Variants in TMTC1 observed in about 807,000 individuals in gnomAD.
TMTC1 encodes protein O-mannosyl-transferase TMTC1.
A neutral mutation model predicts 104.8 loss-of-function variants in TMTC1; 73 were observed. The ratio of observed to expected loss-of-function variants is 0.70; its 90% CI spans 0.58 to 0.85. The LOEUF (loss-of-function observed/expected upper bound fraction) is 0.85. Among genes scored for constraint, TMTC1 ranks in the 40% least tolerant of loss-of-function variants. TMTC1 has a pLI of 0.00. For synonymous variants in TMTC1, 434 were observed against 428.7 expected, an observed-to-expected ratio of 1.01 and a Z score of -0.15; for missense variants, 1,035 against 1,096.1, an observed-to-expected ratio of 0.94 and a Z score of 0.79.
At chr12:29,532,892 G>A (rs1944544304) in intron 11 of TMTC1, 1 of 152,070 alleles carries the variant, frequency 6.6e-6, no homozygotes. Context: ...GTTCTGACCT[G>A]GAGTTCTTAA....
intron 6 of TMTC1, among the ~76,000 whole-genome samples, chr12:29,630,324 G>T (rs1938231703): frequency 6.6e-6 from 1 of 152,226 alleles, no homozygotes; most frequent in African/African-American, 2.4e-5. Context: ...AGGGACCTTG[G>T]GCAGCAGGAG....
rs185959525 is a variant in TMTC1 at position 29,621,132 on chromosome 12, T to C, written c.1128+12015A>G. Among the ~76,000 whole-genome samples the C allele has an allele frequency of 1.0e-3, 154 of 152,342 alleles. 2 individuals carry two copies. In the Middle Eastern group the frequency reaches 0.048, roughly 47 times the overall value. On this transcript the variant is annotated intron_variant, in intron 6 of 17. Coordinates refer to ENST00000539277, the MANE Select transcript of TMTC1 (RefSeq NM_001193451.2). ...AGAATGGGAACTGAAAAGAGGAATG[T>C]AGGCCAGAGGAAAAAAGAAAAATCC...
chr12:29,751,273 G>T lies in TMTC1; in HGVS notation c.938+393C>A, dbSNP rs146831307. On this transcript the variant is annotated intron_variant, in intron 5 of 17. Coordinates refer to ENST00000539277, the MANE Select transcript of TMTC1 (RefSeq NM_001193451.2). ...CATTTCAGAAAGGAAGAGTCCTCTG[G>T]GTTTCCTCCCATATTTGGACTGTAA... Among the ~76,000 whole-genome samples the T allele has an allele frequency of 3.9e-5, 6 of 152,194 alleles. No homozygotes were observed. The East Asian group carries it at 1.2e-3, about 29-fold the overall frequency.
At position 29,783,536 on chromosome 12, in the gene TMTC1, GC is replaced by G; in HGVS notation, c.215del (p.Gly72AlafsTer31). ...DVRPGAPLRW[G>X]IFTNDFWGKG... ...TGCCCCAGAAGTCGTTGGTGAAGAT[GC>G]CCCAGCGGAGCGGGGCGCCGGGCCG... On this transcript the variant is annotated frameshift_variant, in exon 1 of 18. Coordinates refer to ENST00000539277, the MANE Select transcript of TMTC1 (RefSeq NM_001193451.2). LOFTEE classifies it high-confidence loss of function. The surrounding 1 kb of genome is among the most constrained non-coding windows in gnomAD (Gnocchi z 4.7). 2.0e-6 allele frequency: 3 copies of G among 1,466,094 alleles called. No homozygotes were observed. Among genetic ancestry groups the G allele is most frequent in the Non-Finnish European group, 1.8e-6 (2 of 1,110,164 alleles). The allele number at this position is 1,466,094 out of a possible 1,614,324, so 90.8% of individuals were successfully genotyped here.
chr12:29,613,595 C>A (rs1454102811), intron 6 of TMTC1, among the ~76,000 whole-genome samples: 1 of 152,136 alleles, frequency 6.6e-6, no homozygotes, highest in African/African-American at 2.4e-5. Flanking sequence ...TCATTTTATT[C>A]CCTCTCTAAG....
chr12:29,752,413 A>T (rs1359550570), intron 4 of TMTC1, among the ~76,000 whole-genome samples: 1 of 152,204 alleles, frequency 6.6e-6, no homozygotes, highest in African/African-American at 2.4e-5. Context: ...AACAAAGAGG[A>T]TTCTCATTCC....
At chr12:29,778,364 C>T (rs572058830) in intron 1 of TMTC1, among the ~76,000 whole-genome samples, 35 of 152,276 alleles carry the variant, frequency 2.3e-4, no homozygotes, top group African/African-American at 8.2e-4. Context: ...ATCTTCTTCC[C>T]AAGAGAAGGG....
At chr12:29,725,078 T>A (rs1028353562) in intron 5 of TMTC1, among the ~76,000 whole-genome samples, 3 of 129,118 alleles carry the variant, frequency 2.3e-5, no homozygotes, top group Non-Finnish European at 3.1e-5. Flanking sequence ...TGGAGTGCAG[T>A]GGCATGATTT....
intron 5 of TMTC1, among the ~76,000 whole-genome samples, chr12:29,679,114 T>A (rs1362345340): frequency 6.6e-6 from 1 of 152,188 alleles, no homozygotes; most frequent in African/African-American, 2.4e-5. Flanking sequence ...TTCAATGATT[T>A]TAAAATTATC....
At chr12:29,587,315 T>C (rs139357990) in intron 7 of TMTC1, among the ~76,000 whole-genome samples, 2,035 of 152,212 alleles carry the variant, frequency 0.013, 17 homozygotes, top group Non-Finnish European at 0.019. Context: ...ATCTATTTTA[T>C]TCCTCTCTCT....
At chr12:29,600,614 A>T (rs1467134349) in intron 7 of TMTC1, among the ~76,000 whole-genome samples, 2 of 152,170 alleles carry the variant, frequency 1.3e-5, no homozygotes, top group East Asian at 3.8e-4. Context: ...AAATATTCCT[A>T]AGATTCCTCC....
intron 10 of TMTC1, among the ~76,000 whole-genome samples, chr12:29,552,874 C>T (rs534305140): frequency 6.6e-6 from 1 of 152,260 alleles, no homozygotes; most frequent in South Asian, 2.1e-4. Flanking sequence ...AATAGTAAAA[C>T]AGATTAAGTC....
intron 11 of TMTC1, chr12:29,520,992 C>G: frequency 2.9e-6 from 1 of 348,208 alleles, no homozygotes; most frequent in Non-Finnish European, 5.2e-6. Flanking sequence ...GGATATGGAC[C>G]TGTACAACAT....
intron 8 of TMTC1, among the ~76,000 whole-genome samples, chr12:29,581,866 A>AGAAG (rs1299775875): frequency 1.3e-5 from 2 of 152,200 alleles, no homozygotes; most frequent in Admixed American, 1.3e-4. Context: ...AGCATGAGGC[A>AGAAG]GAAGGAAGGA....
intron 5 of TMTC1, among the ~76,000 whole-genome samples, chr12:29,663,225 C>T (rs1360737443): frequency 6.6e-6 from 1 of 152,150 alleles, no homozygotes; most frequent in African/African-American, 2.4e-5. Context: ...TATTTTCAGG[C>T]CAACTCAACC....
At chr12:29,576,652 G>A (rs1401947395) in intron 8 of TMTC1, among the ~76,000 whole-genome samples, 1 of 152,084 alleles carries the variant, frequency 6.6e-6, no homozygotes, top group Admixed American at 6.6e-5. Context: ...AAGAGATATA[G>A]GTCCAAGGGT....
intron 7 of TMTC1, among the ~76,000 whole-genome samples, chr12:29,593,207 A>G (rs2136361339): frequency 6.6e-6 from 1 of 152,308 alleles, no homozygotes; most frequent in Admixed American, 6.5e-5. Context: ...GATTCATAGG[A>G]CAAGGGCTCA....
At chr12:29,705,949 A>C (rs1476280817) in intron 5 of TMTC1, among the ~76,000 whole-genome samples, 4 of 152,178 alleles carry the variant, frequency 2.6e-5, no homozygotes, top group African/African-American at 4.8e-5. Flanking sequence ...GAAGAAAAAA[A>C]AAAGCATCAT....
rs753302679 is a variant in TMTC1, at chr12:29,506,571, T to C, written c.*275A>G. The C allele has an allele frequency of 1.8e-5, 7 of 384,086 alleles. No individual in the cohort carries two copies. The highest frequency in any genetic ancestry group is 3.3e-5 in the Non-Finnish European group (7 of 209,272). The allele number at this position is 384,086 out of a possible 1,614,324, so 23.8% of individuals were successfully genotyped here. ...GCACAGAGATATATCAAGAGAAATC[T>C]GGAGTTAAACCAAACAAAAATCTGT... On this transcript the variant is annotated 3_prime_UTR_variant, in exon 18 of 18. Coordinates refer to ENST00000539277, the MANE Select transcript of TMTC1 (RefSeq NM_001193451.2).
Sources: gnomAD v4.1 joint callset for allele counts (sites outside exome capture counted in the v4.1 genomes callset) on GRCh38, gnomAD v4.1.1 for gene constraint, Gnocchi (gnomAD v3.1) non-coding constraint, MANE v1.5 for transcripts, NCBI Gene and HGNC (gene_info 2026-07-23, HGNC 2026-07-21) for gene names.